The following PUM2 variants were observed in gnomAD, a reference collection of about 807,000 sequenced individuals.
The protein encoded by PUM2 is pumilio RNA binding family member 2, also known as pumilio homolog 2.
PUM2 carries 57 observed loss-of-function variants against 124.5 expected under a neutral mutation model. The ratio of observed to expected loss-of-function variants is 0.46; its 90% CI spans 0.37 to 0.57. PUM2 has a LOEUF of 0.57. PUM2 is among the 20% of genes least tolerant of loss of function. The pLI, the probability that PUM2 is intolerant of heterozygous loss-of-function variation, is 0.00. For synonymous variants in PUM2, 460 were observed against 446.1 expected, an observed-to-expected ratio of 1.03 and a Z score of -0.39; for missense variants, 1,065 against 1,290.6, an observed-to-expected ratio of 0.83 and a Z score of 2.68.
At chr2:20,350,520 G>A (rs1251180684) in intron 1 of PUM2, 77 bp downstream of exon 1, 50 of 985,574 alleles carry the variant, frequency 5.1e-5, no homozygotes, top group Non-Finnish European at 6.0e-5. Context: ...TCCCGCCGAG[G>A]CCGCCGCACA....
At chr2:20,345,273 A>G (rs1688037608) in intron 1 of PUM2, among the ~76,000 whole-genome samples, 1 of 151,652 alleles carries the variant, frequency 6.6e-6, no homozygotes, top group African/African-American at 2.4e-5. Context: ...ACCATGCCAG[A>G]CTAATTTTTT....
chr2:20,294,132 C>A lies in PUM2; in HGVS notation c.1152+244G>T, dbSNP rs866414157. Among the ~76,000 whole-genome samples, 5 of 152,134 alleles carry A rather than the reference C, an allele frequency of 3.3e-5. No homozygotes were observed. In the East Asian group the frequency reaches 9.6e-4, roughly 29 times the overall value. ...GTGATGAAAAGAAATTTAGAAACTGCTAGAGATTTCAAGATCGCAAAATAA... is the reference window on the plus strand; with the variant it reads ...GTGATGAAAAGAAATTTAGAAACTGATAGAGATTTCAAGATCGCAAAATAA... On this transcript the variant is annotated intron_variant, in intron 9 of 20. Transcript: ENST00000361078.
chr2:20,338,764 T>C (rs1046899150), intron 1 of PUM2, among the ~76,000 whole-genome samples: 1 of 152,186 alleles, frequency 6.6e-6, no homozygotes, highest in Non-Finnish European at 1.5e-5. Flanking sequence ...TTCCAGGTTA[T>C]TACATGAAAA....
chr2:20,313,668 A>G (rs529138548), intron 3 of PUM2, among the ~76,000 whole-genome samples: 10 of 151,940 alleles, frequency 6.6e-5, no homozygotes, highest in Middle Eastern at 3.4e-3. Context: ...CATCTCTACA[A>G]AAAGTTTAAA....
intron 1 of PUM2, among the ~76,000 whole-genome samples, chr2:20,330,639 G>A (rs940228847): frequency 2.0e-5 from 3 of 152,042 alleles, no homozygotes; most frequent in Non-Finnish European, 4.4e-5. Context: ...TATTCTCAAC[G>A]GTATTCTTTG....
At position 20,311,803 on chromosome 2, in the gene PUM2, T is replaced by A. The variant is rs1679669565; in HGVS notation, c.349-140A>T. The stretch of plus-strand genomic sequence containing the variant: ...TTATTTAATTTCGTAGTCAATTAAT[T>A]TATCAAAGGCCAAAAAATTGCGTAC... On this transcript the variant is annotated intron_variant, in intron 4 of 20. Transcript: ENST00000361078. 2.9e-6 allele frequency: 3 copies of A among 1,021,200 alleles called. No individual in the cohort carries two copies. In the East Asian group the frequency reaches 8.4e-5, roughly 29 times the overall value. The allele number at this position is 1,021,200 out of a possible 1,614,324, so 63.3% of individuals were successfully genotyped here. A position where few individuals can be genotyped will look rare whatever the true frequency, so the allele number is the denominator to read the frequency against.
rs945088336 is a variant in PUM2 at position 20,260,441 on chromosome 2, C to G, written c.2251G>C (p.Ala751Pro). 5 of 1,609,518 alleles carry G rather than the reference C, an allele frequency of 3.1e-6. No homozygotes were observed. Among genetic ancestry groups the G allele is most frequent in the Non-Finnish European group, 4.3e-6 (5 of 1,176,292 alleles). The part of the protein sequence containing the change: ...SRFIQQKLER[A>P]TPAERQMVFN... ...ACCATCTGTCGCTCAGCTGGAGTAG[C>G]TCTCTCTAGTTTTTGCTGTATGAAT... Residue 751 changes from alanine to proline, a missense_variant, in exon 15 of 21, where the codon GCT (alanine) becomes CCT (proline). Physicochemically the swap from Ala to Pro is conservative, Grantham distance 27. Coordinates refer to ENST00000361078, the MANE Select transcript of PUM2 (RefSeq NM_015317.5).
chr2:20,290,784 G>A lies in PUM2; in HGVS notation c.1159C>T (p.Arg387Cys), dbSNP rs530419740. The stretch of plus-strand genomic sequence containing the variant: ...AGAGGACGCTGACCTGCTCCAGCAC[G>A]GAGAACCTACAAAGGTAAAATGATT... ...QAQPGQQQVL[R>C]AGAGQRPLTP... is the part of the protein sequence containing the mutation. The change falls in exon 10 of 21, where the codon CGT becomes TGT. Residue 387 changes from arginine to cysteine, a missense_variant. By Grantham distance (180) the Arg-to-Cys change is radical (BLOSUM62 -3). Around this residue, in one of 3 missense-constraint regions of PUM2, gnomAD observed 968 missense variants for 1,159.8 expected, o/e 0.83. Coordinates refer to ENST00000361078, the MANE Select transcript of PUM2 (RefSeq NM_015317.5). 13 of 1,582,524 alleles carry A rather than the reference G, an allele frequency of 8.2e-6. No homozygotes were observed. Among genetic ancestry groups the A allele is most frequent in the South Asian group, 1.2e-5 (1 of 84,974 alleles).
chr2:20,302,100 G>A (rs908300815), intron 7 of PUM2, among the ~76,000 whole-genome samples: 3 of 152,086 alleles, frequency 2.0e-5, no homozygotes, highest in African/African-American at 4.8e-5. Flanking sequence ...AAGAGACAAC[G>A]TCTCACTATG....
chr2:20,306,983 G>A (rs986532513), intron 7 of PUM2, among the ~76,000 whole-genome samples: 3 of 151,912 alleles, frequency 2.0e-5, no homozygotes, highest in South Asian at 2.1e-4. Context: ...GGAGGCCGAG[G>A]GGGGGCTGAT....
At chr2:20,254,375 G>A (rs1398770300) in intron 19 of PUM2, among the ~76,000 whole-genome samples, 1 of 152,022 alleles carries the variant, frequency 6.6e-6, no homozygotes, top group African/African-American at 2.4e-5. Flanking sequence ...GGCTGATCTC[G>A]AATTCCTGGG....
At chr2:20,280,757 T>C (rs1671318793) in intron 12 of PUM2, among the ~76,000 whole-genome samples, 1 of 152,180 alleles carries the variant, frequency 6.6e-6, no homozygotes, top group Non-Finnish European at 1.5e-5. Context: ...AAACAAAGTG[T>C]ACCTAAAATA....
intron 7 of PUM2, among the ~76,000 whole-genome samples, chr2:20,301,558 A>T (rs931038121): frequency 2.0e-5 from 3 of 152,066 alleles, no homozygotes; most frequent in African/African-American, 7.2e-5. Context: ...CCAATTAATC[A>T]TAAATCTCTG....
chr2:20,318,440 GC>G, intron 3 of PUM2, 96 bp downstream of exon 3: 1 of 1,092,176 alleles, frequency 9.2e-7, no homozygotes, highest in Non-Finnish European at 1.3e-6. Context: ...TACAAAAAAT[GC>G]AAAAATTTGG....
At chr2:20,327,537 A>G (rs751164697) in intron 1 of PUM2, among the ~76,000 whole-genome samples, 159 bp from the exon 2 acceptor site, 5 of 152,200 alleles carry the variant, frequency 3.3e-5, no homozygotes, top group African/African-American at 1.2e-4. Context: ...AGTTTATGAC[A>G]GCAATCTACC....
chr2:20,304,943 G>A (rs181978874), intron 7 of PUM2, among the ~76,000 whole-genome samples: 238 of 151,858 alleles, frequency 1.6e-3, no homozygotes, highest in Admixed American at 2.0e-3. Flanking sequence ...TATTTCTATC[G>A]ACTAGTCCTT....
At position 20,290,744 on chromosome 2, in the gene PUM2, C is replaced by A. The variant is rs758010940; in HGVS notation, c.1199G>T (p.Gly400Val). The change falls in exon 10 of 21, where the codon GGT becomes GTT. Residue 400 changes from glycine to valine, a missense_variant. By Grantham distance (109) the Gly-to-Val change is moderately radical. Transcript: ENST00000361078. ...AGQRPLTPNQ[G>V]QQGQQAESLA... ...TGATTCTGCTTGCTGCCCTTGCTGA[C>A]CCTGATTGGGAGTAAGAGGACGCTG... 1 of 1,613,060 alleles carries A rather than the reference C, an allele frequency of 6.2e-7. No individual in the cohort carries two copies. Among genetic ancestry groups the A allele is most frequent in the African/African-American group, 1.3e-5 (1 of 75,022 alleles).
rs1389859356 is a variant in PUM2 at position 20,250,474 on chromosome 2, A to C, written c.*1111T>G. ...CAAATGTACACCTGTACAACCAAGG[A>C]AAGCATCACTACTAAATTAGCAAGG... On this transcript the variant is annotated 3_prime_UTR_variant, in exon 21 of 21. Transcript: ENST00000361078. The C allele has an allele frequency of 6.6e-6, 1 of 152,576 alleles. No homozygotes were observed. The highest frequency in any genetic ancestry group is 1.5e-5 in the Non-Finnish European group (1 of 68,012). 9.5% of individuals were successfully genotyped at this position (152,576 alleles called of 1,614,324 possible).
intron 1 of PUM2, among the ~76,000 whole-genome samples, chr2:20,331,129 A>T (rs1465718071): frequency 7.4e-6 from 1 of 135,098 alleles, no homozygotes. Flanking sequence ...ACTTGGGGAG[A>T]GGAAAAAAAA....
Sources: allele counts gnomAD v4.1 joint callset (sites outside exome capture counted in the v4.1 genomes callset), GRCh38; gene constraint gnomAD v4.1.1; regional missense constraint gnomAD v4.1.1; transcripts MANE v1.5; gene names NCBI Gene and HGNC (gene_info 2026-07-23, HGNC 2026-07-21).